STK32B: variants seen among roughly 807,000 people sequenced by gnomAD.
STK32B encodes the protein serine/threonine-protein kinase 32B.
In STK32B, 43 loss-of-function variants were observed where a neutral mutation model predicts 52.6. The observed-to-expected ratio is 0.82, with a 90% CI of 0.64 to 1.05. The LOEUF (loss-of-function observed/expected upper bound fraction) is 1.05, where lower values mean the gene tolerates loss of function less well. STK32B is among the 50% of genes least tolerant of loss of function. STK32B has a pLI of 0.00. For synonymous variants in STK32B, 238 were observed against 204.3 expected, an observed-to-expected ratio of 1.17 and a Z score of -1.41; for missense variants, 621 against 534.6, an observed-to-expected ratio of 1.16 and a Z score of -1.59.
intron 4 of STK32B, among the ~76,000 whole-genome samples, chr4:5,379,850 G>A (rs538315254): frequency 8.5e-5 from 13 of 152,312 alleles, no homozygotes; most frequent in African/African-American, 2.9e-4. Context: ...CCCCCGGTTC[G>A]TGGTGTTTTG....
intron 1 of STK32B, among the ~76,000 whole-genome samples, chr4:5,055,907 T>C (rs1273645941): frequency 6.6e-6 from 1 of 152,176 alleles, no homozygotes; most frequent in Non-Finnish European, 1.5e-5. Flanking sequence ...TCATAATATT[T>C]ATTTTACTTA....
rs1716907797 is a variant in STK32B at position 5,146,273 on chromosome 4, C to T, written c.108+6313C>T. The stretch of plus-strand genomic sequence containing the variant: ...CAAGGAAGACAGTAGTGGCTCAGTT[C>T]GAGTCCCAAAACCTCAAAACTAGGG... On this transcript the variant is annotated intron_variant, in intron 2 of 11. Coordinates refer to ENST00000282908, the MANE Select transcript of STK32B (RefSeq NM_018401.3). 2.0e-5 allele frequency among the ~76,000 whole-genome samples: 3 copies of T among 152,046 alleles called. No homozygotes were observed. In the South Asian group the frequency reaches 6.2e-4, roughly 32 times the overall value.
intron 6 of STK32B, among the ~76,000 whole-genome samples, chr4:5,418,503 A>G (rs925208449): frequency 6.6e-6 from 1 of 152,244 alleles, no homozygotes; most frequent in Non-Finnish European, 1.5e-5. Context: ...CTTTCTTCCA[A>G]TGGTTACTGC....
intron 3 of STK32B, among the ~76,000 whole-genome samples, chr4:5,308,529 G>A (rs916695581): frequency 2.0e-5 from 3 of 152,122 alleles, no homozygotes; most frequent in African/African-American, 7.2e-5. Context: ...TAAGTGTGTG[G>A]TATGTGTCAA....
At chr4:5,332,436 G>C (rs571230015) in intron 4 of STK32B, among the ~76,000 whole-genome samples, 54 of 152,256 alleles carry the variant, frequency 3.5e-4, no homozygotes, top group Admixed American at 1.1e-3. Flanking sequence ...GGGGCAGTTG[G>C]TGAAAAGAGG....
In STK32B at chr4:5,070,923, T is replaced by C. The variant is rs181260504; in HGVS notation, c.52+19008T>C. Reference sequence around the variant, plus strand: ...AAGAAGGCGTTCCTAGGCATGAAAATGGAGGAATGGTGGATGGGTGCACTG... The same window carrying C: ...AAGAAGGCGTTCCTAGGCATGAAAACGGAGGAATGGTGGATGGGTGCACTG... On this transcript the variant is annotated intron_variant, in intron 1 of 11. Coordinates refer to ENST00000282908, the MANE Select transcript of STK32B (RefSeq NM_018401.3). 1.3e-3 allele frequency among the ~76,000 whole-genome samples: 191 copies of C among 152,104 alleles called. 1 individual carries two copies. Among genetic ancestry groups the C allele is most frequent in the Non-Finnish European group, 2.0e-3 (136 of 67,980 alleles).
intron 2 of STK32B, among the ~76,000 whole-genome samples, chr4:5,165,473 G>A (rs1042272146): frequency 3.3e-5 from 5 of 152,270 alleles, no homozygotes; most frequent in Middle Eastern, 3.4e-3. Context: ...ACGCAGCCCC[G>A]GGGACGCTAC....
intron 3 of STK32B, among the ~76,000 whole-genome samples, chr4:5,319,965 A>G (rs150326287): frequency 5.9e-5 from 9 of 152,240 alleles, no homozygotes; most frequent in Non-Finnish European, 8.8e-5. Context: ...AACCTAAATC[A>G]TGCAGGAACT....
At chr4:5,234,117 G>A (rs1724458886) in intron 3 of STK32B, among the ~76,000 whole-genome samples, 1 of 152,044 alleles carries the variant, frequency 6.6e-6, no homozygotes, top group Non-Finnish European at 1.5e-5. Flanking sequence ...TCTTGACGTG[G>A]TTCATTTACA....
At chr4:5,303,396 C>T (rs1012682594) in intron 3 of STK32B, among the ~76,000 whole-genome samples, 3 of 152,036 alleles carry the variant, frequency 2.0e-5, no homozygotes, top group Non-Finnish European at 4.4e-5. Flanking sequence ...GATGTGGTAT[C>T]GCATTGTGGT....
At chr4:5,087,894 A>C (rs1033114790) in intron 1 of STK32B, among the ~76,000 whole-genome samples, 1 of 152,232 alleles carries the variant, frequency 6.6e-6, no homozygotes, top group Admixed American at 6.5e-5. Context: ...GAGCAACTAG[A>C]CAGAATATCA....
At chr4:5,156,871 C>T (rs183603741) in intron 2 of STK32B, among the ~76,000 whole-genome samples, 27 of 152,186 alleles carry the variant, frequency 1.8e-4, no homozygotes, top group Admixed American at 1.3e-3. Flanking sequence ...GACTCCATAC[C>T]GCCTTATTAT....
At chr4:5,248,095 G>A (rs1357497696) in intron 3 of STK32B, among the ~76,000 whole-genome samples, 1 of 152,166 alleles carries the variant, frequency 6.6e-6, no homozygotes, top group Admixed American at 6.5e-5. Context: ...GTAACATAGT[G>A]GGTGTTTTCA....
intron 4 of STK32B, chr4:5,345,407 T>A (rs1362972881): frequency 1.3e-5 from 2 of 152,126 alleles, no homozygotes; most frequent in Admixed American, 6.5e-5. Flanking sequence ...CACTTAATTT[T>A]AAAATGTTAA....
At chr4:5,408,872 G>T (rs1737847004) in intron 5 of STK32B, among the ~76,000 whole-genome samples, 1 of 152,100 alleles carries the variant, frequency 6.6e-6, no homozygotes, top group Admixed American at 6.5e-5. Flanking sequence ...CCATCCGTGG[G>T]CAGCTGCCTA....
chr4:5,319,464 G>A (rs1481483774), intron 3 of STK32B, among the ~76,000 whole-genome samples: 1 of 152,142 alleles, frequency 6.6e-6, no homozygotes, highest in African/African-American at 2.4e-5. Context: ...CAAATCCTCA[G>A]TGGCTTCCCC....
intron 3 of STK32B, among the ~76,000 whole-genome samples, chr4:5,286,829 G>A (rs190827652): frequency 3.6e-4 from 43 of 119,650 alleles, no homozygotes; most frequent in Admixed American, 1.1e-3. Flanking sequence ...ACGGAGTTTC[G>A]CTCTTTCACC....
chr4:5,318,978 G>T (rs1436894378), intron 3 of STK32B, among the ~76,000 whole-genome samples: 2 of 151,924 alleles, frequency 1.3e-5, no homozygotes, highest in Admixed American at 1.3e-4. Context: ...TTTTTTGTGT[G>T]TATTTTTAGT....
intron 6 of STK32B, among the ~76,000 whole-genome samples, chr4:5,422,833 A>G (rs1712759098): frequency 6.6e-6 from 1 of 152,154 alleles, no homozygotes; most frequent in Admixed American, 6.5e-5. Flanking sequence ...CTTTTTGGAC[A>G]GTTTTAAGAC....
Sources: allele counts gnomAD v4.1 joint callset (sites outside exome capture counted in the v4.1 genomes callset), GRCh38; gene constraint gnomAD v4.1.1; transcripts MANE v1.5; gene names NCBI Gene and HGNC (gene_info 2026-07-23, HGNC 2026-07-21).